The following SPATA21 variants were observed in gnomAD, a reference collection of about 807,000 sequenced individuals.
The protein encoded by SPATA21 is spermatogenesis-associated protein 21.
Under a neutral mutation model 54.8 loss-of-function variants are expected in SPATA21, and 47 were observed. That is an observed-to-expected ratio of 0.86 (90% CI 0.68 to 1.09). SPATA21 has a LOEUF of 1.09. Among genes scored for constraint, SPATA21 ranks in the 50% least tolerant of loss-of-function variants. The pLI, the probability that SPATA21 is intolerant of heterozygous loss-of-function variation, is 0.00. For missense variants in SPATA21, 599 were observed against 596.4 expected (o/e 1.00, Z -0.05); for synonymous variants, 245 against 235.3 (o/e 1.04, Z -0.38).
At chr1:16,430,144 G>C (rs936113331) in intron 3 of SPATA21, among the ~76,000 whole-genome samples, 7 of 111,722 alleles carry the variant, frequency 6.3e-5, no homozygotes, top group Admixed American at 9.4e-5. Context: ...AAAAAAAGAA[G>C]ATGCCGGACA....
At chr1:16,431,089 T>C (rs1010205459) in intron 3 of SPATA21, among the ~76,000 whole-genome samples, 1 of 152,214 alleles carries the variant, frequency 6.6e-6, no homozygotes, top group Non-Finnish European at 1.5e-5. Context: ...CAAACTGATA[T>C]ATTCTCTTTT....
chr1:16,424,241 A>C (rs1382537406), intron 3 of SPATA21, among the ~76,000 whole-genome samples: 2 of 1,516 alleles, frequency 1.3e-3, no homozygotes, highest in African/African-American at 3.0e-3. Context: ...TGAACCTGGG[A>C]GGCAGAGCTT....
At chr1:16,401,162 C>T (rs935479337) in intron 10 of SPATA21, among the ~76,000 whole-genome samples, 2 of 152,256 alleles carry the variant, frequency 1.3e-5, no homozygotes, top group South Asian at 4.1e-4. Context: ...TTCAAGTTTC[C>T]GTTGGGTAAA....
chr1:16,396,197 G>A (rs113926409), downstream of SPATA21: 5,268 of 152,504 alleles, frequency 0.035, 114 homozygotes, highest in South Asian at 0.053. Context: ...CTTCTGCCTC[G>A]TATGTTCAGA....
chr1:16,421,410 T>G lies in SPATA21; in HGVS notation c.144+99A>C. ...TCCTTGGTTTGACTCCAAATAGGGG[T>G]TTGACGTGCCACATCCGCTTCTGCC... On this transcript the variant is annotated intron_variant, in intron 5 of 12. Coordinates refer to ENST00000335496, the MANE Select transcript of SPATA21 (RefSeq NM_198546.1). This position sits in a 1 kb window ranked among gnomAD's most constrained non-coding sequence, Gnocchi z 5.2. 1 of 1,228,888 alleles carries G rather than the reference T, an allele frequency of 8.1e-7. No individual in the cohort carries two copies. Among genetic ancestry groups the G allele is most frequent in the Non-Finnish European group, 1.1e-6 (1 of 883,068 alleles). 76.1% of individuals were successfully genotyped at this position (1,228,888 alleles called of 1,614,324 possible).
At chr1:16,429,410 G>A (rs775692629) in intron 3 of SPATA21, among the ~76,000 whole-genome samples, 3 of 152,218 alleles carry the variant, frequency 2.0e-5, no homozygotes, top group South Asian at 2.1e-4. Flanking sequence ...GGGAGCAGGC[G>A]TGAGCCATGG....
intron 10 of SPATA21, among the ~76,000 whole-genome samples, chr1:16,402,134 C>T (rs1027495156): frequency 6.6e-6 from 1 of 151,994 alleles, no homozygotes. Flanking sequence ...CTCTGACACA[C>T]GTGCAACCCA....
chr1:16,400,934 A>G, intron 10 of SPATA21, 42 bp from the exon 11 acceptor site: 1 of 1,592,028 alleles, frequency 6.3e-7, no homozygotes, highest in Non-Finnish European at 8.6e-7. Flanking sequence ...GGCTGTGTTT[A>G]ATTCACCCTT....
At position 16,414,918 on chromosome 1, in the gene SPATA21, T is replaced by C. The variant is rs993386787; in HGVS notation, c.145-4875A>G. 6.1e-5 allele frequency among the ~76,000 whole-genome samples: 5 copies of C among 81,860 alleles called. No homozygotes were observed. In the South Asian group the frequency reaches 1.1e-3, roughly 18 times the overall value. The allele number at this position is 81,860 out of a possible 152,430, so 53.7% of individuals were successfully genotyped here. A position where few individuals can be genotyped will look rare whatever the true frequency, so the allele number is the denominator to read the frequency against. ...CAAAAAAAAAAAAAAAAAAAGATTCTAGTTGAGTATTCTGACAGCCTAGAA... is the reference window on the plus strand; with the variant it reads ...CAAAAAAAAAAAAAAAAAAAGATTCCAGTTGAGTATTCTGACAGCCTAGAA... On this transcript the variant is annotated intron_variant, in intron 5 of 12. Transcript: ENST00000335496.
In SPATA21 at chr1:16,403,715, G is replaced by A. The variant is rs200157129; in HGVS notation, c.1001+12C>T. On this transcript the variant is annotated intron_variant, in intron 10 of 12. Coordinates refer to ENST00000335496, the MANE Select transcript of SPATA21 (RefSeq NM_198546.1). ...CCACAACCCTTCACCCCCAACAACC[G>A]GCCCCACTCACTTTGTGATTTCCTC... The A allele has an allele frequency of 2.9e-5, 47 of 1,607,354 alleles. No homozygotes were observed. The highest frequency in any genetic ancestry group is 3.7e-5 in the Non-Finnish European group (44 of 1,174,330).
Position 16,410,046 on chromosome 1 carries a change from G to C in SPATA21, c.145-3C>G. The C allele has an allele frequency of 6.5e-7, 1 of 1,540,500 alleles. No homozygotes were observed. The highest frequency in any genetic ancestry group is 2.1e-5 in the Admixed American group (1 of 46,990). ...CTCTCTCCAATGTCCCTCACCTCCT[G>C]GGGACAGGGGAGGGGATCCAGGAGG... On this transcript the variant is annotated splice_region_variant and splice_polypyrimidine_tract_variant and intron_variant, in intron 5 of 12. Transcript: ENST00000335496.
Position 16,422,294 on chromosome 1 carries a change from C to A in SPATA21, c.35-323G>T, listed in dbSNP as rs1570182007. 5 of 1,162,790 alleles carry A rather than the reference C, an allele frequency of 4.3e-6. No individual in the cohort carries two copies. In the East Asian group the frequency reaches 1.8e-4, roughly 43 times the overall value. 72.0% of individuals were successfully genotyped at this position (1,162,790 alleles called of 1,614,324 possible). A position where few individuals can be genotyped will look rare whatever the true frequency, so the allele number is the denominator to read the frequency against. ...CTGGAGACCAGTTATTACACACTTA[C>A]TAGGGTCCCAGCACTTCAGGCATCA... is the stretch of plus-strand genomic sequence containing the variant. On this transcript the variant is annotated intron_variant, in intron 3 of 12. Transcript: ENST00000335496.
rs2085426565 is a variant in SPATA21, at chr1:16,400,874, C to T, written c.1020G>A (p.Leu340=). 1.2e-6 allele frequency: 2 copies of T among 1,612,730 alleles called. No individual in the cohort carries two copies. Among genetic ancestry groups the T allele is most frequent in the Non-Finnish European group, 1.7e-6 (2 of 1,179,444 alleles). The change falls in exon 11 of 13, where the codon CTG becomes CTA. Residue 340 remains leucine (L), a synonymous_variant. Transcript: ENST00000335496. ...CCTGGGCCTTGCAGGTGCCTTCCTT[C>T]AGCTTTTTCTGGTAGTAGCTGGGGA... The part of the protein sequence containing the change: ...EEITNYYQKK[L]KEGTCKAQEM...
At chr1:16,417,159 C>T (rs1308590513) in intron 5 of SPATA21, among the ~76,000 whole-genome samples, 1 of 152,176 alleles carries the variant, frequency 6.6e-6, no homozygotes, top group Non-Finnish European at 1.5e-5. Context: ...TCCCACGAGG[C>T]CCAGATGATG....
At chr1:16,407,462 T>G (rs1387285892) in intron 7 of SPATA21, among the ~76,000 whole-genome samples, 2 of 152,022 alleles carry the variant, frequency 1.3e-5, no homozygotes, top group Non-Finnish European at 2.9e-5. Flanking sequence ...TTATTACTAT[T>G]ACTATTATTA....
At position 16,398,732 on chromosome 1, in the gene SPATA21, T is replaced by C; in HGVS notation, c.*33A>G. 1 of 1,613,374 alleles carries C rather than the reference T, an allele frequency of 6.2e-7. No homozygotes were observed. Among genetic ancestry groups the C allele is most frequent in the Non-Finnish European group, 8.5e-7 (1 of 1,179,426 alleles). On this transcript the variant is annotated 3_prime_UTR_variant, in exon 13 of 13. Transcript: ENST00000335496. ...TGGTGGCCCATCTGTCTACAGGCCT[T>C]GAGCAGCTGCCTAGAGTCAGGCCTC...
intron 7 of SPATA21, among the ~76,000 whole-genome samples, chr1:16,407,063 G>C (rs1168008726): frequency 6.6e-6 from 1 of 152,210 alleles, no homozygotes; most frequent in African/African-American, 2.4e-5. Flanking sequence ...CATGACAACA[G>C]GGCACCCTCT....
rs752484794 is a variant in SPATA21, at chr1:16,421,485, C to T, written c.144+24G>A. ...GCCTTTCTCCTACACAGCTCGTCCCCGTTCCCCCTATGGCCCTACTTACTG... is the reference window on the plus strand; with the variant it reads ...GCCTTTCTCCTACACAGCTCGTCCCTGTTCCCCCTATGGCCCTACTTACTG... On this transcript the variant is annotated intron_variant, in intron 5 of 12. Coordinates refer to ENST00000335496, the MANE Select transcript of SPATA21 (RefSeq NM_198546.1). The surrounding 1 kb of genome is among the most constrained non-coding windows in gnomAD (Gnocchi z 5.2). The T allele has an allele frequency of 1.7e-5, 27 of 1,608,296 alleles. No individual in the cohort carries two copies. The highest frequency in any genetic ancestry group is 3.3e-4 in the Middle Eastern group (2 of 6,060).
chr1:16,423,274 G>A (rs1158170757), intron 3 of SPATA21, among the ~76,000 whole-genome samples: 6 of 149,500 alleles, frequency 4.0e-5, no homozygotes, highest in African/African-American at 7.4e-5. Context: ...TTAGCTGGGC[G>A]TGGTGGTACG....
Sources: gnomAD v4.1 joint callset for allele counts (sites outside exome capture counted in the v4.1 genomes callset) on GRCh38, gnomAD v4.1.1 for gene constraint, Gnocchi (gnomAD v3.1) non-coding constraint, MANE v1.5 for transcripts, NCBI Gene and HGNC (gene_info 2026-07-23, HGNC 2026-07-21) for gene names.